Variants in ZEB1 observed in about 807,000 individuals in gnomAD.
ZEB1 encodes the protein zinc finger E-box-binding homeobox 1.
ZEB1 carries 21 observed loss-of-function variants against 84.9 expected under a neutral mutation model. The ratio of observed to expected loss-of-function variants is 0.25; its 90% CI spans 0.18 to 0.36. The LOEUF is 0.36. Ranked by LOEUF, ZEB1 falls within the 10% of genes least tolerant of loss-of-function variation. The pLI, the probability that ZEB1 is intolerant of heterozygous loss-of-function variation, is 1.00. For synonymous variants in ZEB1, 420 were observed against 471.1 expected, an observed-to-expected ratio of 0.89 and a Z score of 1.41; for missense variants, 1,104 against 1,330.2, an observed-to-expected ratio of 0.83 and a Z score of 2.65.
intron 8 of ZEB1, among the ~76,000 whole-genome samples, chr10:31,525,944 A>G (rs1445627343): frequency 2.0e-5 from 3 of 152,186 alleles, no homozygotes; most frequent in Non-Finnish European, 4.4e-5. Flanking sequence ...ATTAAAAATC[A>G]TTTCTGCATT....
chr10:31,452,738 TGTGTGAGAGAGA>T lies in ZEB1; in HGVS notation c.59-8297_59-8286del, dbSNP rs1159471827. Among the ~76,000 whole-genome samples, 12 of 101,102 alleles carry T rather than the reference TGTGTGAGAGAGA, an allele frequency of 1.2e-4. No homozygotes were observed. In the East Asian group the frequency reaches 1.8e-3, roughly 15 times the overall value. The allele number at this position is 101,102 out of a possible 152,430, so 66.3% of individuals were successfully genotyped here. On this transcript the variant is annotated intron_variant, in intron 1 of 8. Coordinates refer to ENST00000424869, the MANE Select transcript of ZEB1 (RefSeq NM_001174096.2). ...GTGTGTGTGTGTGTGTGTGTGTGTG[TGTGTGAGAGAGA>T]GAGAGAGAGAGAGAGAGAGAGAGAG...
chr10:31,404,219 C>T (rs576160799), intron 1 of ZEB1, among the ~76,000 whole-genome samples: 141 of 148,430 alleles, frequency 9.5e-4, no homozygotes, highest in Non-Finnish European at 1.9e-3. Context: ...TTTCTGCAGC[C>T]GTTTTTTTTT....
intron 1 of ZEB1, among the ~76,000 whole-genome samples, chr10:31,416,851 G>A (rs2055303234): frequency 1.3e-5 from 2 of 152,072 alleles, no homozygotes; most frequent in Admixed American, 1.3e-4. Context: ...TTTATTGGTA[G>A]CATTGCTCTG....
At chr10:31,499,192 G>A (rs920208521) in intron 3 of ZEB1, among the ~76,000 whole-genome samples, 4 of 152,024 alleles carry the variant, frequency 2.6e-5, no homozygotes, top group East Asian at 1.9e-4. Context: ...TTTCTGGGAC[G>A]TATACCAGAA....
intron 1 of ZEB1, among the ~76,000 whole-genome samples, chr10:31,406,580 T>C (rs1440118257): frequency 6.6e-6 from 1 of 152,154 alleles, no homozygotes; most frequent in Non-Finnish European, 1.5e-5. Context: ...TCCTTGTAGA[T>C]TCTGGATATT....
At position 31,376,273 on chromosome 10, in the gene ZEB1, T is replaced by C. The variant is rs374068867; in HGVS notation, c.58+56981T>C. ...TTATAAAAACAAAGCAGTCCTTAAG[T>C]ATACCTTGCAATTGATCTGTAGTAT... On this transcript the variant is annotated intron_variant, in intron 1 of 8. Transcript: ENST00000424869. Among the ~76,000 whole-genome samples, 142 of 151,848 alleles carry C rather than the reference T, an allele frequency of 9.4e-4. 2 individuals are homozygous for C. The highest frequency in any genetic ancestry group is 3.3e-3 in the African/African-American group (139 of 41,544).
intron 1 of ZEB1, among the ~76,000 whole-genome samples, chr10:31,326,692 G>T (rs987263587): frequency 6.6e-6 from 1 of 151,992 alleles, no homozygotes. Context: ...TATCTAAGAC[G>T]GTAACAAGCA....
At chr10:31,517,962 AG>A (rs2071475346) in intron 6 of ZEB1, among the ~76,000 whole-genome samples, 1 of 152,142 alleles carries the variant, frequency 6.6e-6, no homozygotes, top group African/African-American at 2.4e-5. Flanking sequence ...TGGCAAAGCT[AG>A]GGCTGTGATG....
chr10:31,402,632 T>G (rs939342115), intron 1 of ZEB1, among the ~76,000 whole-genome samples: 4 of 152,114 alleles, frequency 2.6e-5, no homozygotes, highest in African/African-American at 9.7e-5. Context: ...TTTGAAACAA[T>G]TGCTGTGTGT....
rs367767938 is a variant in ZEB1 at position 31,502,265 on chromosome 10, A to T, written c.323-83A>T. On this transcript the variant is annotated intron_variant, in intron 3 of 8. Transcript: ENST00000424869. ...TTCAAGAACAATCATATGTTCTCTC[A>T]AGATAAATAATTTCTTATTTAGAAA... The T allele has an allele frequency of 1.7e-5, 23 of 1,363,866 alleles. No homozygotes were observed. In the African/African-American group the frequency reaches 3.4e-4, roughly 20 times the overall value. 84.5% of individuals were successfully genotyped at this position (1,363,866 alleles called of 1,614,324 possible).
At chr10:31,410,349 G>A (rs1300261024) in intron 1 of ZEB1, among the ~76,000 whole-genome samples, 1 of 152,150 alleles carries the variant, frequency 6.6e-6, no homozygotes. Context: ...TCCCAGGTAT[G>A]AAGCTGACCT....
At chr10:31,442,043 C>T (rs1188513997) in intron 1 of ZEB1, among the ~76,000 whole-genome samples, 1 of 152,176 alleles carries the variant, frequency 6.6e-6, no homozygotes, top group Admixed American at 6.5e-5. Flanking sequence ...TTTGACCCAG[C>T]CATCCCATTA....
intron 1 of ZEB1, among the ~76,000 whole-genome samples, chr10:31,397,178 T>TTAA (rs147148637): frequency 1.4e-5 from 2 of 144,794 alleles, no homozygotes; most frequent in Non-Finnish European, 3.0e-5. Flanking sequence ...ATTATTATTA[T>TTAA]TATTATTATT....
chr10:31,476,957 T>C (rs2064295685), intron 2 of ZEB1, among the ~76,000 whole-genome samples: 1 of 151,954 alleles, frequency 6.6e-6, no homozygotes, highest in Non-Finnish European at 1.5e-5. Context: ...CAACATCATA[T>C]TGAATGGGGA....
At chr10:31,431,899 T>G (rs1380880267) in intron 1 of ZEB1, among the ~76,000 whole-genome samples, 1 of 152,208 alleles carries the variant, frequency 6.6e-6, no homozygotes, top group Non-Finnish European at 1.5e-5. Context: ...AAACATTAAT[T>G]CATTGACAAA....
chr10:31,468,964 A>T (rs1471326937), intron 2 of ZEB1, among the ~76,000 whole-genome samples: 2 of 152,226 alleles, frequency 1.3e-5, no homozygotes, highest in African/African-American at 4.8e-5. Context: ...TAAAGAATTT[A>T]AGATATGGAC....
chr10:31,409,561 G>A (rs1170902316), intron 1 of ZEB1, among the ~76,000 whole-genome samples: 4 of 152,132 alleles, frequency 2.6e-5, no homozygotes, highest in Non-Finnish European at 5.9e-5. Context: ...GTCAATGGTA[G>A]CTTGATGGGG....
At chr10:31,435,731 C>T (rs942033620) in intron 1 of ZEB1, among the ~76,000 whole-genome samples, 1 of 152,112 alleles carries the variant, frequency 6.6e-6, no homozygotes, top group Non-Finnish European at 1.5e-5. Context: ...GGTGCAGGCC[C>T]AAAAATGTGG....
chr10:31,328,029 A>G (rs2133170663), intron 1 of ZEB1, among the ~76,000 whole-genome samples: 1 of 152,162 alleles, frequency 6.6e-6, no homozygotes, highest in South Asian at 2.1e-4. Context: ...TAAGATGATA[A>G]TCCCCAACGT....
Sources: gnomAD v4.1 joint callset for allele counts (sites outside exome capture counted in the v4.1 genomes callset) on GRCh38, gnomAD v4.1.1 for gene constraint, MANE v1.5 for transcripts, NCBI Gene and HGNC (gene_info 2026-07-23, HGNC 2026-07-21) for gene names.